EPCIP: variants seen among roughly 807,000 people sequenced by gnomAD.
EPCIP encodes the protein exosomal polycystin 1 interacting protein, also known as exosomal polycystin-1-interacting protein.
chr21:32,813,557 G>A, the EPCIP span: 1 of 470,120 alleles, frequency 2.1e-6, no homozygotes, highest in Non-Finnish European at 4.4e-6. Context: ...GACTAGACAT[G>A]CTTTTTAAAA....
chr21:32,809,182 CGTGTGTGTGTGTGTGTGTGT>C, the EPCIP span, among the ~76,000 whole-genome samples: 1 of 121,092 alleles, frequency 8.3e-6, no homozygotes, highest in East Asian at 2.8e-4. Flanking sequence ...TCGAGGGGTG[CGTGTGTGTGTGTGTGTGTGT>C]GTGTGTGTGT....
At chr21:32,809,273 C>CTCCCTCCT in the EPCIP span, among the ~76,000 whole-genome samples, 22 of 76,390 alleles carry the variant, frequency 2.9e-4, no homozygotes, top group African/African-American at 8.2e-4. Context: ...TCTTCCCTCC[C>CTCCCTCCT]TCCTTCCTTT....
the EPCIP span, among the ~76,000 whole-genome samples, chr21:32,809,330 TTCTTTCTTTCTTTCC>T: frequency 4.4e-3 from 651 of 146,536 alleles, 9 homozygotes; most frequent in African/African-American, 0.016. Flanking sequence ...CTTTCTTTCT[TTCTTTCTTTCTTTCC>T]TCTTTCTTTC....
chr21:32,803,802 C>T, the EPCIP span, among the ~76,000 whole-genome samples: 1 of 152,152 alleles, frequency 6.6e-6, no homozygotes. Context: ...ACATCCTCAT[C>T]CTTGGTATGA....
At chr21:32,796,014 C>CTCTT in the EPCIP span, among the ~76,000 whole-genome samples, 21 of 146,054 alleles carry the variant, frequency 1.4e-4, no homozygotes, top group Non-Finnish European at 2.4e-4. Flanking sequence ...CTTTCCTTCC[C>CTCTT]TCCTTCCCTC....
At chr21:32,793,553 C>A in the EPCIP span, 469,140 of 624,246 alleles carry the variant, frequency 0.75, 178,051 homozygotes, top group East Asian at 0.9. Flanking sequence ...GTTTCTTTTT[C>A]TTTTGTTTTT....
chr21:32,796,702 C>A, the EPCIP span, among the ~76,000 whole-genome samples: 1 of 152,142 alleles, frequency 6.6e-6, no homozygotes, highest in East Asian at 1.9e-4. Context: ...TGTCTACCCC[C>A]TTAGTGAGGA....
the EPCIP span, among the ~76,000 whole-genome samples, chr21:32,793,363 T>G: frequency 6.6e-6 from 1 of 152,302 alleles, no homozygotes; most frequent in East Asian, 1.9e-4. Context: ...AAGGCAGTAT[T>G]TTGAAAGAAG....
At chr21:32,801,867 A>T in the EPCIP span, among the ~76,000 whole-genome samples, 1 of 152,024 alleles carries the variant, frequency 6.6e-6, no homozygotes, top group African/African-American at 2.4e-5. Flanking sequence ...AAAGATGCAG[A>T]TGGAGTGGTG....
chr21:32,813,656 C>T, the EPCIP span: 13 of 471,120 alleles, frequency 2.8e-5, no homozygotes, highest in African/African-American at 2.4e-4. Context: ...GCCACGGATC[C>T]TTCACCCTGG....
At chr21:32,793,312 G>A in the EPCIP span, among the ~76,000 whole-genome samples, 1 of 151,962 alleles carries the variant, frequency 6.6e-6, no homozygotes, top group Non-Finnish European at 1.5e-5. Context: ...TCTACTTAGG[G>A]GAATTCCAAG....
At chr21:32,797,066 G>T in the EPCIP span, 1 of 467,066 alleles carries the variant, frequency 2.1e-6, no homozygotes, top group South Asian at 1.6e-5. Flanking sequence ...CGACAGTAAG[G>T]CCCTGGCTAG....
At chr21:32,799,927 G>A in the EPCIP span, among the ~76,000 whole-genome samples, 2 of 152,222 alleles carry the variant, frequency 1.3e-5, no homozygotes, top group Non-Finnish European at 2.9e-5. Flanking sequence ...GGGTGACAGA[G>A]TGAGTGAGAC....
At chr21:32,807,120 A>G in the EPCIP span, among the ~76,000 whole-genome samples, 2 of 152,124 alleles carry the variant, frequency 1.3e-5, no homozygotes, top group African/African-American at 4.8e-5. Flanking sequence ...GAATGATGAG[A>G]GTTACAATTC....
At chr21:32,796,341 G>A in the EPCIP span, among the ~76,000 whole-genome samples, 1 of 152,164 alleles carries the variant, frequency 6.6e-6, no homozygotes, top group South Asian at 2.1e-4. Flanking sequence ...CCCTGGCTTA[G>A]GCCAAGCAGA....
At chr21:32,796,850 C>A in the EPCIP span, 1 of 395,670 alleles carries the variant, frequency 2.5e-6, no homozygotes, top group South Asian at 2.0e-5. Context: ...GTTGGCCCAC[C>A]CTGACCCTAG....
chr21:32,806,273 G>A, the EPCIP span, among the ~76,000 whole-genome samples: 2 of 152,196 alleles, frequency 1.3e-5, no homozygotes, highest in East Asian at 3.9e-4. Context: ...AGGGACAGAT[G>A]GCACTATTTG....
chr21:32,810,968 T>C, the EPCIP span, among the ~76,000 whole-genome samples: 2 of 152,202 alleles, frequency 1.3e-5, no homozygotes, highest in Non-Finnish European at 2.9e-5. Flanking sequence ...GATACATGTA[T>C]GTTGTATACT....
At chr21:32,801,446 C>A in the EPCIP span, among the ~76,000 whole-genome samples, 1 of 152,188 alleles carries the variant, frequency 6.6e-6, no homozygotes, top group African/African-American at 2.4e-5. Context: ...ATCATCCATG[C>A]CCTCAAGGGA....
Sources: gnomAD v4.1 joint callset for allele counts (sites outside exome capture counted in the v4.1 genomes callset) on GRCh38, gnomAD v4.1.1 for gene constraint, MANE v1.5 for transcripts, NCBI Gene and HGNC (gene_info 2026-07-23, HGNC 2026-07-21) for gene names.